LOC400499: variants seen among roughly 807,000 people sequenced by gnomAD.
the LOC400499 span, among the ~76,000 whole-genome samples, chr16:11,507,740 T>C: frequency 3.9e-5 from 6 of 152,178 alleles, no homozygotes; most frequent in Admixed American, 3.9e-4. Flanking sequence ...AAGACCAGCC[T>C]GGGCAACATG....
the LOC400499 span, chr16:11,404,964 T>G: frequency 2.8e-5 from 11 of 397,790 alleles, no homozygotes; most frequent in Non-Finnish European, 4.9e-5. Context: ...AGGGAATATT[T>G]GTGGATCATT....
At chr16:11,450,889 G>A in the LOC400499 span, 2 of 1,351,886 alleles carry the variant, frequency 1.5e-6, no homozygotes, top group East Asian at 2.5e-5. Flanking sequence ...GCAGCTGGAG[G>A]TCCCGAGAGT....
At chr16:11,434,727 A>G in the LOC400499 span, among the ~76,000 whole-genome samples, 1 of 152,220 alleles carries the variant, frequency 6.6e-6, no homozygotes, top group Non-Finnish European at 1.5e-5. Flanking sequence ...TGCAGGGCTC[A>G]GTTCACCATT....
chr16:11,512,224 G>C, the LOC400499 span, among the ~76,000 whole-genome samples: 1 of 152,026 alleles, frequency 6.6e-6, no homozygotes, highest in African/African-American at 2.4e-5. Flanking sequence ...GGAGGTTACA[G>C]TGAGCTGAGA....
the LOC400499 span, chr16:11,393,651 T>C: frequency 1.8e-6 from 2 of 1,098,456 alleles, no homozygotes; most frequent in Non-Finnish European, 2.3e-6. Context: ...AGAGGCTGGC[T>C]GGGGAGGCTG....
the LOC400499 span, among the ~76,000 whole-genome samples, chr16:11,404,373 G>C: frequency 0.073 from 11,068 of 152,140 alleles, 538 homozygotes; most frequent in Non-Finnish European, 0.11. Flanking sequence ...TTTTGAGACC[G>C]AGTCTCACTC....
At chr16:11,459,048 AAAATAAAATAAAT>A in the LOC400499 span, among the ~76,000 whole-genome samples, 1 of 151,884 alleles carries the variant, frequency 6.6e-6, no homozygotes, top group Non-Finnish European at 1.5e-5. Context: ...AAAAAAATAA[AAAATAAAATAAAT>A]AAATAAATAA....
At chr16:11,489,634 G>A in the LOC400499 span, among the ~76,000 whole-genome samples, 1 of 152,132 alleles carries the variant, frequency 6.6e-6, no homozygotes, top group Non-Finnish European at 1.5e-5. Context: ...TAGGGATAAG[G>A]TGCCCACTTA....
the LOC400499 span, chr16:11,385,037 G>A: frequency 6.2e-5 from 76 of 1,232,060 alleles, no homozygotes; most frequent in Admixed American, 1.3e-4. Flanking sequence ...ACTGTCCCCC[G>A]GCAGGGAGGA....
At chr16:11,475,703 G>A in the LOC400499 span, 1 of 399,048 alleles carries the variant, frequency 2.5e-6, no homozygotes, top group Non-Finnish European at 4.4e-6. Flanking sequence ...TGGTGATGAG[G>A]TACAGCTGAG....
the LOC400499 span, among the ~76,000 whole-genome samples, chr16:11,507,715 T>C: frequency 6.6e-6 from 1 of 152,214 alleles, no homozygotes; most frequent in Non-Finnish European, 1.5e-5. Flanking sequence ...GAGGACTGTT[T>C]GTGTCCAGAA....
At chr16:11,521,682 C>A in the LOC400499 span, among the ~76,000 whole-genome samples, 1 of 152,196 alleles carries the variant, frequency 6.6e-6, no homozygotes, top group African/African-American at 2.4e-5. Context: ...TATGGCTCTT[C>A]TCACTCCACG....
At chr16:11,392,526 G>C in the LOC400499 span, 1 of 398,984 alleles carries the variant, frequency 2.5e-6, no homozygotes, top group African/African-American at 2.1e-5. Context: ...GGACCTGCTG[G>C]TGCCCCCACC....
At chr16:11,524,778 G>T in the LOC400499 span, among the ~76,000 whole-genome samples, 1 of 146,338 alleles carries the variant, frequency 6.8e-6, no homozygotes, top group Admixed American at 6.9e-5. Flanking sequence ...CCCTTCCACT[G>T]CCACCTACTT....
At chr16:11,488,779 G>T in the LOC400499 span, 4 of 398,930 alleles carry the variant, frequency 1.0e-5, no homozygotes, top group Non-Finnish European at 1.8e-5. Context: ...GGCTGAGGAT[G>T]TCCTCGGGGA....
chr16:11,395,936 A>T, the LOC400499 span, among the ~76,000 whole-genome samples: 1 of 152,092 alleles, frequency 6.6e-6, no homozygotes, highest in South Asian at 2.1e-4. Flanking sequence ...CCTTCCTGGG[A>T]TCACCTGGCC....
the LOC400499 span, chr16:11,469,466 C>T: frequency 2.5e-6 from 1 of 399,052 alleles, no homozygotes; most frequent in Non-Finnish European, 4.4e-6. Context: ...GGTGTGGCAC[C>T]GAGTGAGGGG....
the LOC400499 span, chr16:11,387,165 C>G: frequency 8.1e-7 from 1 of 1,232,236 alleles, no homozygotes; most frequent in Non-Finnish European, 1.0e-6. Context: ...TCAGCCAGCA[C>G]GTTGGCCCCA....
At chr16:11,492,127 G>A in the LOC400499 span, among the ~76,000 whole-genome samples, 1 of 152,134 alleles carries the variant, frequency 6.6e-6, no homozygotes, top group African/African-American at 2.4e-5. Context: ...AACTATTTAC[G>A]AAAACAGCAT....
Sources: allele counts gnomAD v4.1 joint callset (sites outside exome capture counted in the v4.1 genomes callset), GRCh38; gene constraint gnomAD v4.1.1; transcripts MANE v1.5.